TK2: variants seen among roughly 807,000 people sequenced by gnomAD.
TK2 encodes thymidine kinase 2, mitochondrial.
Under a neutral mutation model 41.9 loss-of-function variants are expected in TK2, and 35 were observed. The ratio of observed to expected loss-of-function variants is 0.84; its 90% CI spans 0.64 to 1.11. The LOEUF is 1.11. Among genes scored for constraint, TK2 ranks in the 50% least tolerant of loss-of-function variants. The pLI is 0.00. For missense variants in TK2, 320 were observed against 351.1 expected (o/e 0.91, Z 0.71); for synonymous variants, 128 against 129.1 (o/e 0.99, Z 0.06).
At chr16:66,515,499 CA>C (rs1160834714) in intron 8 of TK2, among the ~76,000 whole-genome samples, 4 of 152,248 alleles carry the variant, frequency 2.6e-5, no homozygotes, top group African/African-American at 4.8e-5. Flanking sequence ...CTCCCAGGCA[CA>C]GAGTGGGATG....
At chr16:66,541,581 A>C (rs1285236467) in intron 3 of TK2, among the ~76,000 whole-genome samples, 1 of 152,008 alleles carries the variant, frequency 6.6e-6, no homozygotes, top group African/African-American at 2.4e-5. Flanking sequence ...ACGTACCACC[A>C]TGCCTGGCAT....
chr16:66,519,729 C>CCA (rs1363852220), intron 6 of TK2, among the ~76,000 whole-genome samples: 1 of 152,212 alleles, frequency 6.6e-6, no homozygotes, highest in African/African-American at 2.4e-5. Context: ...ATCCTCCATT[C>CCA]CACTAGTGGC....
rs3743714 is a variant in TK2, at chr16:66,549,802, T to C, written c.124+136A>G. The C allele has an allele frequency of 0.046, 59,610 of 1,286,650 alleles. 3,664 individuals are homozygous for C. Among genetic ancestry groups the C allele is most frequent in the African/African-American group, 0.27 (17,214 of 64,250 alleles). The allele number at this position is 1,286,650 out of a possible 1,614,324, so 79.7% of individuals were successfully genotyped here. On this transcript the variant is annotated intron_variant, in intron 1 of 9. Coordinates refer to ENST00000544898, the MANE Select transcript of TK2 (RefSeq NM_004614.5). Reference sequence around the variant, plus strand: ...GGGTAACGGCCGATGGCCGCCCCCGTCCCAGCCGCAGCCGGGGAGGAAATC... The same window carrying C: ...GGGTAACGGCCGATGGCCGCCCCCGCCCCAGCCGCAGCCGGGGAGGAAATC...
At chr16:66,549,566 C>G in intron 1 of TK2, 1 of 1,075,100 alleles carries the variant, frequency 9.3e-7, no homozygotes, top group Non-Finnish European at 1.1e-6. Context: ...CCCCCTCCCC[C>G]ACGCTGGCAC....
Position 66,529,024 on chromosome 16 carries a change from C to G in TK2, c.419G>C (p.Arg140Thr), listed in dbSNP as rs1334695526. 1 of 1,614,132 alleles carries G rather than the reference C, an allele frequency of 6.2e-7. No homozygotes were observed. The highest frequency in any genetic ancestry group is 1.3e-5 in the African/African-American group (1 of 75,040). ...ATACAGGTTTTCTACAAAAATGTAT[C>G]TTGCGCTGTGAATCGACCTCTCCAT... is the stretch of plus-strand genomic sequence containing the variant. Reference protein sequence around the residue: ...RLMERSIHSARYIFVENLYRS... With the variant: ...RLMERSIHSATYIFVENLYRS... The change falls in exon 6 of 10, where the codon AGA becomes ACA. Residue 140 changes from arginine (R) to threonine (T), a missense_variant. Transcript: ENST00000544898.
At chr16:66,512,271 GTAC>G (rs1383146657) in intron 9 of TK2, among the ~76,000 whole-genome samples, 1 of 152,170 alleles carries the variant, frequency 6.6e-6, no homozygotes, top group Non-Finnish European at 1.5e-5. Context: ...ACTTAAGAAT[GTAC>G]TACAAGAGCT....
intron 3 of TK2, among the ~76,000 whole-genome samples, chr16:66,539,202 C>A (rs1331360787): frequency 1.3e-5 from 2 of 152,030 alleles, no homozygotes; most frequent in African/African-American, 2.4e-5. Context: ...GTCCCCAAGC[C>A]CCCCCTCCTC....
Position 66,550,048 on chromosome 16 carries a change from G to T in TK2, c.14C>A (p.Pro5Gln). The T allele has an allele frequency of 6.4e-7, 1 of 1,572,448 alleles. No homozygotes were observed. Among genetic ancestry groups the T allele is most frequent in the Middle Eastern group, 1.8e-4 (1 of 5,622 alleles). The change falls in exon 1 of 10, where the codon CCG becomes CAG. Residue 5 changes from proline (P) to glutamine (Q), a missense_variant. Pro to Gln is a moderately conservative substitution (Grantham distance 76). Transcript: ENST00000544898. ...CGCCCGGGCGGCCCAGCCCCGCAGC[G>T]GCCACAGCAGCATAGCCGGGCGAGC... The part of the protein sequence containing the change: MLLW[P>Q]LRGWAARALR...
intron 4 of TK2, among the ~76,000 whole-genome samples, chr16:66,533,800 G>A (rs967923971): frequency 2.0e-5 from 3 of 151,970 alleles, no homozygotes; most frequent in Admixed American, 2.0e-4. Context: ...GAGGTCAGGA[G>A]ATGGAGACCA....
chr16:66,517,538 T>G lies in TK2; in HGVS notation c.538+251A>C, dbSNP rs1009391357. Among the ~76,000 whole-genome samples, 2 of 152,188 alleles carry G rather than the reference T, an allele frequency of 1.3e-5. No homozygotes were observed. The highest frequency in any genetic ancestry group is 2.9e-5 in the Non-Finnish European group (2 of 68,028). On this transcript the variant is annotated intron_variant, in intron 7 of 9. Transcript: ENST00000544898. The surrounding 1 kb of genome is among the most constrained non-coding windows in gnomAD (Gnocchi z 4.3). ...ACTAGAAAAACCCATCAGATCACAGTGGATTTGGGTCTGAAAGTAGCTGAG... is the reference window on the plus strand; with the variant it reads ...ACTAGAAAAACCCATCAGATCACAGGGGATTTGGGTCTGAAAGTAGCTGAG...
intron 3 of TK2, 108 bp from the exon 4 acceptor site, chr16:66,537,125 G>T: frequency 6.6e-7 from 1 of 1,511,160 alleles, no homozygotes; most frequent in Non-Finnish European, 9.1e-7. Flanking sequence ...GAGAGAAAAA[G>T]ACTATCCAAA....
chr16:66,516,243 A>G (rs944011083), intron 8 of TK2, among the ~76,000 whole-genome samples: 1 of 152,190 alleles, frequency 6.6e-6, no homozygotes. Flanking sequence ...GGAGGAGGTG[A>G]CATCTGAGTA....
At chr16:66,522,219 C>A (rs1364598113) in intron 6 of TK2, among the ~76,000 whole-genome samples, 5 of 152,152 alleles carry the variant, frequency 3.3e-5, no homozygotes, top group Non-Finnish European at 7.3e-5. Context: ...AGGAAGGCCA[C>A]AGCTCTTAGG....
At position 66,509,008 on chromosome 16, in the gene TK2, T is replaced by G; in HGVS notation, c.*2960A>C. The stretch of plus-strand genomic sequence containing the variant: ...CGTGGGGGCAGAGGGGAGAGGGAGG[T>G]GAAGCCCAAAGGACCCCACGGCGCT... On this transcript the variant is annotated 3_prime_UTR_variant, in exon 10 of 10. Coordinates refer to ENST00000544898, the MANE Select transcript of TK2 (RefSeq NM_004614.5). The G allele has an allele frequency of 6.6e-6, 1 of 150,932 alleles. No homozygotes were observed. Among genetic ancestry groups the G allele is most frequent in the East Asian group, 1.9e-4 (1 of 5,134 alleles). The allele number at this position is 150,932 out of a possible 1,614,324, so 9.3% of individuals were successfully genotyped here. A position where few individuals can be genotyped will look rare whatever the true frequency, so the allele number is the denominator to read the frequency against.
intron 3 of TK2, among the ~76,000 whole-genome samples, chr16:66,539,725 G>A (rs1373492878): frequency 6.6e-6 from 1 of 152,010 alleles, no homozygotes; most frequent in Non-Finnish European, 1.5e-5. Context: ...TAGAGGAGCT[G>A]CACAGTACAC....
In TK2 at chr16:66,513,721, TCTTA is replaced by T. The variant is rs529176585; in HGVS notation, c.699+6_699+9del. ...AACAGTCTCGTACCCTGTAAGGGAG[TCTTA>T]CTTACCAGAACAGGGGCTGCCATGG... On this transcript the variant is annotated splice_donor_region_variant and intron_variant, in intron 9 of 9. Coordinates refer to ENST00000544898, the MANE Select transcript of TK2 (RefSeq NM_004614.5). 1.2e-4 allele frequency: 191 copies of T among 1,612,932 alleles called. 1 individual carries two copies. The East Asian group carries it at 3.9e-3, about 33-fold the overall frequency.
At chr16:66,535,661 A>G (rs536346472) in intron 4 of TK2, among the ~76,000 whole-genome samples, 62 of 152,332 alleles carry the variant, frequency 4.1e-4, no homozygotes, top group South Asian at 1.4e-3. Flanking sequence ...CCACACTGGA[A>G]TATTAGGGGC....
rs377634270 is a variant in TK2, at chr16:66,531,138, A to G, written c.375+242T>C. Reference sequence around the variant, plus strand: ...AAGCCCAGCAGTGGTCAGGTCATAAAGATGTGAGCTCAGAATGGTGGCAGG... The same window carrying G: ...AAGCCCAGCAGTGGTCAGGTCATAAGGATGTGAGCTCAGAATGGTGGCAGG... On this transcript the variant is annotated intron_variant, in intron 5 of 9. Coordinates refer to ENST00000544898, the MANE Select transcript of TK2 (RefSeq NM_004614.5). 4.0e-4 allele frequency among the ~76,000 whole-genome samples: 61 copies of G among 152,310 alleles called. 1 individual carries two copies. The highest frequency in any genetic ancestry group is 6.8e-3 in the Middle Eastern group (2 of 294).
At position 66,541,895 on chromosome 16, in the gene TK2, T is replaced by C. The variant is rs761001323; in HGVS notation, c.215A>G (p.Asn72Ser). Residue 72 changes from asparagine to serine, a missense_variant, in exon 3 of 10, where the codon AAC becomes AGC. Asn to Ser is a conservative substitution (Grantham distance 46). Coordinates refer to ENST00000544898, the MANE Select transcript of TK2 (RefSeq NM_004614.5). ...AGGCTGTACCTCGACGTCTGTCGCG[T>C]TGGAGAAGAATTCCAGGCATGTCGT... ...GKTTCLEFFS[N>S]ATDVEVLTEP... is the part of the protein sequence containing the mutation. 5 of 1,614,058 alleles carry C rather than the reference T, an allele frequency of 3.1e-6. No homozygotes were observed. Among genetic ancestry groups the C allele is most frequent in the African/African-American group, 1.3e-5 (1 of 74,912 alleles).
Sources: allele counts gnomAD v4.1 joint callset (sites outside exome capture counted in the v4.1 genomes callset), GRCh38; gene constraint gnomAD v4.1.1; non-coding constraint Gnocchi (gnomAD v3.1); transcripts MANE v1.5; gene names NCBI Gene and HGNC (gene_info 2026-07-23, HGNC 2026-07-21).